PRRC2B: variants seen among roughly 807,000 people sequenced by gnomAD.
PRRC2B encodes protein PRRC2B.
In PRRC2B, 68 loss-of-function variants were observed where a neutral mutation model predicts 242.3. That is an observed-to-expected ratio of 0.28 (90% CI 0.23 to 0.34). PRRC2B has a LOEUF of 0.34. Ranked by LOEUF, PRRC2B falls within the 10% of genes least tolerant of loss-of-function variation. PRRC2B has a pLI of 1.00. For missense variants in PRRC2B, 2,835 were observed against 2,954.8 expected (o/e 0.96, Z 0.94); for synonymous variants, 1,228 against 1,173.6 (o/e 1.05, Z -0.95).
chr9:131,392,099 CTTT>C (rs1343891850), upstream of PRRC2B, among the ~76,000 whole-genome samples: 1 of 150,190 alleles, frequency 6.7e-6, no homozygotes. Context: ...TGTTTATTTT[CTTT>C]CTTTTTTTTT....
At chr9:131,480,557 A>G (rs2131458514) in intron 19 of PRRC2B, among the ~76,000 whole-genome samples, 1 of 152,052 alleles carries the variant, frequency 6.6e-6, no homozygotes, top group Admixed American at 6.5e-5. Context: ...TTCTCAGACC[A>G]GGGGTTGTGT....
intron 1 of PRRC2B, among the ~76,000 whole-genome samples, chr9:131,403,674 A>C (rs890633211): frequency 9.7e-5 from 6 of 61,780 alleles, no homozygotes; most frequent in African/African-American, 3.3e-4. Context: ...AAAAAAAAAA[A>C]AAAAACAAAA....
rs778112192 is a variant in PRRC2B at position 131,475,895 on chromosome 9, G to A, written c.3766G>A (p.Val1256Ile). Reference protein sequence around the residue: ...GSRRPTDRDYVPDSYRHPDAF... With the variant: ...GSRRPTDRDYIPDSYRHPDAF... ...CCGGCGACCTACAGACAGAGACTAT[G>A]TCCCAGATTCCTACAGACACCCTGA... Residue 1256 changes from valine to isoleucine, a missense_variant, in exon 16 of 32, where the codon GTC becomes ATC. Physicochemically the swap from Val to Ile is conservative, Grantham distance 29 (BLOSUM62 3). Around this residue, in one of 7 missense-constraint regions of PRRC2B, gnomAD observed 1,536 missense variants for 1,483.1 expected, o/e 1.04. Transcript: ENST00000683519. The A allele has an allele frequency of 1.4e-5, 23 of 1,613,944 alleles. No homozygotes were observed. The highest frequency in any genetic ancestry group is 1.9e-5 in the Non-Finnish European group (23 of 1,179,862).
Position 131,454,567 on chromosome 9 carries a change from G to A in PRRC2B, c.1121-509G>A, listed in dbSNP as rs1943014608. ...GCCAGGTGGTTGACTCAGCTCCTCT[G>A]CTGGGATAGCGAGATTTCTGGCCAA... On this transcript the variant is annotated intron_variant, in intron 9 of 31. Transcript: ENST00000683519. 2.0e-5 allele frequency among the ~76,000 whole-genome samples: 3 copies of A among 152,108 alleles called. No individual in the cohort carries two copies. The South Asian group carries it at 6.2e-4, about 32-fold the overall frequency.
chr9:131,388,877 G>C (rs1177616846), intron 1 of PRRC2B, among the ~76,000 whole-genome samples: 1 of 101,396 alleles, frequency 9.9e-6, no homozygotes, highest in African/African-American at 3.9e-5. Context: ...GTCTCGCTCC[G>C]TTGCCCAGGC....
intron 11 of PRRC2B, among the ~76,000 whole-genome samples, chr9:131,462,052 C>CT (rs994173561): frequency 6.6e-5 from 10 of 151,336 alleles, no homozygotes; most frequent in African/African-American, 9.7e-5. Flanking sequence ...CTCCGTATTC[C>CT]TTTTTTTTTC....
chr9:131,413,077 AAATT>A (rs1837546672), intron 1 of PRRC2B, among the ~76,000 whole-genome samples: 2 of 150,552 alleles, frequency 1.3e-5, no homozygotes, highest in South Asian at 2.1e-4. Context: ...TGTAATAAAT[AAATT>A]AATGTACTTT....
At chr9:131,432,944 G>C in intron 3 of PRRC2B, 150 bp downstream of exon 3, 1 of 783,114 alleles carries the variant, frequency 1.3e-6, no homozygotes, top group Non-Finnish European at 2.0e-6. Flanking sequence ...TGCAAATGAA[G>C]CTGCTTCCTC....
intron 30 of PRRC2B, among the ~76,000 whole-genome samples, chr9:131,493,566 A>G (rs1944252461): frequency 6.6e-6 from 1 of 151,360 alleles, no homozygotes; most frequent in East Asian, 1.9e-4. Flanking sequence ...GAATGGCAGC[A>G]GATTATTCTT....
At chr9:131,419,266 T>G (rs1224435470) in intron 1 of PRRC2B, among the ~76,000 whole-genome samples, 1 of 152,200 alleles carries the variant, frequency 6.6e-6, no homozygotes, top group East Asian at 1.9e-4. Flanking sequence ...TCCCTGCATC[T>G]CTGTCTTCCT....
chr9:131,463,387 A>G (rs1943298103), intron 11 of PRRC2B, among the ~76,000 whole-genome samples: 1 of 152,174 alleles, frequency 6.6e-6, no homozygotes, highest in Middle Eastern at 3.2e-3. Flanking sequence ...GATTTTTGAC[A>G]GCTGTATACA....
Position 131,494,459 on chromosome 9 carries a change from C to T in PRRC2B, c.6528C>T (p.Gly2176=). 6.2e-7 allele frequency: 1 copy of T among 1,604,456 alleles called. No individual in the cohort carries two copies. The highest frequency in any genetic ancestry group is 8.5e-7 in the Non-Finnish European group (1 of 1,173,856). ...CCTCTGGATCAGCAGTTAACATGGG[C>T]TCTGTGCAGGGACACTACGTGCAAC... is the stretch of plus-strand genomic sequence containing the variant. The part of the protein sequence containing the change: ...GKPSGSAVNM[G]SVQGHYVQQA... Residue 2176 remains glycine (G), a synonymous_variant, in exon 31 of 32, where the codon GGC becomes GGT. Transcript: ENST00000683519. The surrounding 1 kb of genome is among the most constrained non-coding windows in gnomAD (Gnocchi z 4.3).
intron 12 of PRRC2B, 149 bp from the exon 13 acceptor site, chr9:131,467,414 G>A (rs1943428316): frequency 3.0e-6 from 2 of 661,220 alleles, no homozygotes; most frequent in African/African-American, 1.8e-5. Context: ...TGTACGTGAT[G>A]CGTTTGGCAC....
rs756267976 is a variant in PRRC2B, at chr9:131,478,551, G to A, written c.4690G>A (p.Glu1564Lys). 2.0e-5 allele frequency: 32 copies of A among 1,596,966 alleles called. No homozygotes were observed. The highest frequency in any genetic ancestry group is 2.7e-5 in the African/African-American group (2 of 74,080). The stretch of plus-strand genomic sequence containing the variant: ...TTCTATGGTGGGCGAAGGCTTCATC[G>A]AAGTCCTGACCAAGAAGCAGCGCCG... ...VGSMVGEGFI[E>K]VLTKKQRRLL... is the part of the protein sequence containing the mutation. Residue 1564 changes from glutamate (E) to lysine (K), a missense_variant, in exon 18 of 32, where the codon GAA (glutamate) becomes AAA (lysine). Physicochemically the swap from Glu to Lys is moderately conservative, Grantham distance 56. Coordinates refer to ENST00000683519, the MANE Select transcript of PRRC2B (RefSeq NM_013318.4).
intron 20 of PRRC2B, 136 bp downstream of exon 20, chr9:131,481,944 T>C: frequency 1.3e-6 from 1 of 790,074 alleles, no homozygotes; most frequent in South Asian, 1.5e-5. Context: ...GTTGTTTCCA[T>C]GGGGCCAAGC....
chr9:131,409,874 C>T (rs1214812766), intron 1 of PRRC2B, among the ~76,000 whole-genome samples: 1 of 152,234 alleles, frequency 6.6e-6, no homozygotes, highest in Non-Finnish European at 1.5e-5. Flanking sequence ...CTCTTCTCTA[C>T]TAAATCAGAT....
At chr9:131,468,047 T>C (rs918700447) in intron 13 of PRRC2B, among the ~76,000 whole-genome samples, 1 of 152,250 alleles carries the variant, frequency 6.6e-6, no homozygotes, top group Non-Finnish European at 1.5e-5. Context: ...TATTCAGTGC[T>C]GTTTGCAGTG....
intron 13 of PRRC2B, among the ~76,000 whole-genome samples, chr9:131,469,119 A>C (rs999792753): frequency 1.3e-5 from 2 of 152,108 alleles, no homozygotes; most frequent in African/African-American, 2.4e-5. Flanking sequence ...AGATCACCTG[A>C]GGTCAGGAGT....
intron 30 of PRRC2B, among the ~76,000 whole-genome samples, chr9:131,492,807 C>T (rs1374503012): frequency 6.6e-6 from 1 of 152,212 alleles, no homozygotes; most frequent in Non-Finnish European, 1.5e-5. Flanking sequence ...TAGCTGGATA[C>T]TCAGGTGGCT....
Sources: allele counts gnomAD v4.1 joint callset (sites outside exome capture counted in the v4.1 genomes callset), GRCh38; gene constraint gnomAD v4.1.1; regional missense constraint gnomAD v4.1.1; non-coding constraint Gnocchi (gnomAD v3.1); transcripts MANE v1.5; gene names NCBI Gene and HGNC (gene_info 2026-07-23, HGNC 2026-07-21).